CCL1: variants seen among roughly 807,000 people sequenced by gnomAD.
CCL1 encodes the protein C-C motif chemokine ligand 1, also known as C-C motif chemokine 1.
In CCL1, 9 loss-of-function variants were observed where a neutral mutation model predicts 7.5. The ratio of observed to expected loss-of-function variants is 1.20; its 90% confidence interval spans 0.72 to 2.09. The LOEUF is 2.09. Ranked by LOEUF, CCL1 falls within the 30% of genes most tolerant of loss-of-function variation. CCL1 has a pLI of 0.00. For synonymous variants in CCL1, 48 were observed against 44.7 expected (o/e 1.07, Z -0.30); for missense variants, 110 against 113.7 (o/e 0.97, Z 0.15).
Position 34,363,182 on chromosome 17 carries a change from C to A in CCL1, c.-21G>T, listed in dbSNP as rs769491888. The A allele has an allele frequency of 4.3e-6, 7 of 1,612,782 alleles. No homozygotes were observed. In the South Asian group the frequency reaches 6.6e-5, roughly 15 times the overall value. ...TGCATGTCTTCTGGTCTGGCTTGGG[C>A]CTTCCTGGAGCAGCTTTGATGAGCC... On this transcript the variant is annotated 5_prime_UTR_variant, in exon 1 of 3. Transcript: ENST00000225842.
chr17:34,360,702 C>A (rs1264367023), intron 2 of CCL1, 41 bp from the exon 3 acceptor site: 2 of 1,489,464 alleles, frequency 1.3e-6, no homozygotes, highest in Non-Finnish European at 1.9e-6. Context: ...GCCACCCAAG[C>A]CACCACTGGG....
At position 34,363,064 on chromosome 17, in the gene CCL1, AAATGATGCCTGCCAC is replaced by A; in HGVS notation, c.76+7_76+21del. 1 of 1,609,710 alleles carries A rather than the reference AAATGATGCCTGCCAC, an allele frequency of 6.2e-7. No homozygotes were observed. Among genetic ancestry groups the A allele is most frequent in the South Asian group, 1.1e-5 (1 of 91,066 alleles). ...TTTCTGCCCTCCCCAGAGAGAAGCA[AAATGATGCCTGCCAC>A]ACTCACTGCTCTTGCTGTCCACATC... is the stretch of plus-strand genomic sequence containing the variant. On this transcript the variant is annotated splice_region_variant and intron_variant, in intron 1 of 2. Coordinates refer to ENST00000225842, the MANE Select transcript of CCL1 (RefSeq NM_002981.2).
At chr17:34,361,083 T>TGTGTGTGG (rs1567664357) in intron 2 of CCL1, among the ~76,000 whole-genome samples, 3 of 151,278 alleles carry the variant, frequency 2.0e-5, no homozygotes, top group African/African-American at 7.3e-5. Context: ...TGTGTGTGGG[T>TGTGTGTGG]GTGTGTATTT....
At chr17:34,362,870 T>A (rs113230203) in intron 1 of CCL1, among the ~76,000 whole-genome samples, 2,948 of 151,416 alleles carry the variant, frequency 0.019, 80 homozygotes, top group African/African-American at 0.06. Flanking sequence ...CTCCTTGTAC[T>A]GAAGCTGTCA....
intron 2 of CCL1, among the ~76,000 whole-genome samples, chr17:34,361,081 G>T (rs3138029): frequency 0.61 from 92,329 of 151,334 alleles, 28,418 homozygotes; most frequent in Middle Eastern, 0.72. Context: ...TGTGTGTGTG[G>T]GTGTGTGTAT....
At chr17:34,362,771 C>A (rs963325456) in intron 1 of CCL1, among the ~76,000 whole-genome samples, 1 of 152,186 alleles carries the variant, frequency 6.6e-6, no homozygotes, top group Non-Finnish European at 1.5e-5. Flanking sequence ...GTAGAAGCTA[C>A]ACCCAGGCTG....
chr17:34,361,408 G>C (rs938305207), intron 2 of CCL1, among the ~76,000 whole-genome samples: 3 of 152,200 alleles, frequency 2.0e-5, no homozygotes, highest in Non-Finnish European at 2.9e-5. Context: ...GGAGTTACCT[G>C]TCCACGGTCA....
At chr17:34,362,489 C>G (rs1910531635) in intron 1 of CCL1, among the ~76,000 whole-genome samples, 1 of 151,916 alleles carries the variant, frequency 6.6e-6, no homozygotes, top group African/African-American at 2.4e-5. Flanking sequence ...CCAACCCCCA[C>G]TCTGTCCATT....
chr17:34,361,454 C>A (rs1290734216), intron 2 of CCL1, among the ~76,000 whole-genome samples: 2 of 152,218 alleles, frequency 1.3e-5, no homozygotes, highest in African/African-American at 4.8e-5. Context: ...GGGGCAGGAA[C>A]TCATCCTGGT....
At position 34,363,166 on chromosome 17, in the gene CCL1, T is replaced by C. The variant is rs985591082; in HGVS notation, c.-5A>G. On this transcript the variant is annotated 5_prime_UTR_variant, in exon 1 of 3. Transcript: ENST00000225842. ...GGCTGTGGTGATGATCTGCATGTCT[T>C]CTGGTCTGGCTTGGGCCTTCCTGGA... 11 of 1,613,772 alleles carry C rather than the reference T, an allele frequency of 6.8e-6. No homozygotes were observed. In the East Asian group the frequency reaches 1.3e-4, roughly 20 times the overall value.
intron 1 of CCL1, among the ~76,000 whole-genome samples, chr17:34,362,459 C>G (rs555778358): frequency 6.6e-6 from 1 of 152,090 alleles, no homozygotes; most frequent in African/African-American, 2.4e-5. Flanking sequence ...CTGCCCTGGT[C>G]CTTAGCTCTT....
intron 2 of CCL1, 54 bp downstream of exon 2, chr17:34,361,731 C>G: frequency 8.5e-7 from 1 of 1,179,774 alleles, no homozygotes; most frequent in Non-Finnish European, 1.3e-6. Context: ...TCTTGTAATT[C>G]CAGGCTGGCG....
Position 34,361,904 on chromosome 17 carries a change from A to G in CCL1, c.77-8T>C. 1 of 1,558,318 alleles carries G rather than the reference A, an allele frequency of 6.4e-7. No individual in the cohort carries two copies. Among genetic ancestry groups the G allele is most frequent in the Non-Finnish European group, 8.8e-7 (1 of 1,130,522 alleles). ...TGGAGAAGGGTACCTGCACTAGAAGAGGAACACAGACGATGGTTTGCATCC... is the reference window on the plus strand; with the variant it reads ...TGGAGAAGGGTACCTGCACTAGAAGGGGAACACAGACGATGGTTTGCATCC... On this transcript the variant is annotated splice_polypyrimidine_tract_variant and splice_region_variant and intron_variant, in intron 1 of 2. Transcript: ENST00000225842.
Position 34,363,118 on chromosome 17 carries a change from C to T in CCL1, c.44G>A (p.Gly15Glu), listed in dbSNP as rs546720830. 1.9e-6 allele frequency: 3 copies of T among 1,613,618 alleles called. No homozygotes were observed. Among genetic ancestry groups the T allele is most frequent in the Admixed American group, 3.3e-5 (2 of 60,026 alleles). Residue 15 changes from glycine to glutamate, a missense_variant, in exon 1 of 3, where the codon GGG becomes GAG. Physicochemically the swap from Gly to Glu is moderately conservative, Grantham distance 98. Coordinates refer to ENST00000225842, the MANE Select transcript of CCL1 (RefSeq NM_002981.2). ...TTALVCLLLAGMWPEDVDSKS... is the reference protein window; with the variant it reads ...TTALVCLLLAEMWPEDVDSKS... ...GCTGTCCACATCTTCCGGCCACATC[C>T]CAGCTAGCAGCAAGCACACCAGGGC...
At chr17:34,360,841 A>G (rs1338023122) in intron 2 of CCL1, among the ~76,000 whole-genome samples, 180 bp from the exon 3 acceptor site, 1 of 152,128 alleles carries the variant, frequency 6.6e-6, no homozygotes, top group Non-Finnish European at 1.5e-5. Context: ...GGGAACAGCC[A>G]AAGCACCAGG....
At position 34,360,502 on chromosome 17, in the gene CCL1, T is replaced by C; in HGVS notation, c.*57A>G. ...AGAAGGAATGGTGTAGGGCTGGTAG[T>C]TTCGGGGACAGGTGAAGCCATGTGG... On this transcript the variant is annotated 3_prime_UTR_variant, in exon 3 of 3. Transcript: ENST00000225842. 7.6e-7 allele frequency: 1 copy of C among 1,323,048 alleles called. No individual in the cohort carries two copies. Among genetic ancestry groups the C allele is most frequent in the Non-Finnish European group, 1.1e-6 (1 of 914,252 alleles). The allele number at this position is 1,323,048 out of a possible 1,614,324, so 82.0% of individuals were successfully genotyped here. A position where few individuals can be genotyped will look rare whatever the true frequency, so the allele number is the denominator to read the frequency against.
intron 1 of CCL1, 120 bp from the exon 2 acceptor site, chr17:34,362,016 T>G: frequency 1.6e-6 from 1 of 616,352 alleles, no homozygotes; most frequent in Non-Finnish European, 2.9e-6. Context: ...GGGGACCACA[T>G]CCAGACGGTG....
Position 34,361,756 on chromosome 17 carries a change from A to G in CCL1, c.188+29T>C, listed in dbSNP as rs187174245. 4.6e-5 allele frequency: 64 copies of G among 1,395,126 alleles called. No homozygotes were observed. The East Asian group carries it at 1.4e-3, about 30-fold the overall frequency. The allele number at this position is 1,395,126 out of a possible 1,614,324, so 86.4% of individuals were successfully genotyped here. ...CCAGGCTGGCGGGGTTCTGTTCTCTAGGGAGAGATTGAGCAGGTGATCACT... is the reference window on the plus strand; with the variant it reads ...CCAGGCTGGCGGGGTTCTGTTCTCTGGGGAGAGATTGAGCAGGTGATCACT... On this transcript the variant is annotated intron_variant, in intron 2 of 2. Transcript: ENST00000225842.
Position 34,362,960 on chromosome 17 carries a change from C to A in CCL1, c.76+126G>T, listed in dbSNP as rs181374710. 1.1e-4 allele frequency: 94 copies of A among 832,358 alleles called. No homozygotes were observed. In the East Asian group the frequency reaches 1.3e-3, roughly 11 times the overall value. The allele number at this position is 832,358 out of a possible 1,614,324, so 51.6% of individuals were successfully genotyped here. A position where few individuals can be genotyped will look rare whatever the true frequency, so the allele number is the denominator to read the frequency against. ...AGCCTGTCCAAGTTCACCATTCCTCCTCTTTAGGTAGGAAGAGGGGAGATA... is the reference window on the plus strand; with the variant it reads ...AGCCTGTCCAAGTTCACCATTCCTCATCTTTAGGTAGGAAGAGGGGAGATA... On this transcript the variant is annotated intron_variant, in intron 1 of 2. Transcript: ENST00000225842.
Sources: allele counts gnomAD v4.1 joint callset (sites outside exome capture counted in the v4.1 genomes callset), GRCh38; gene constraint gnomAD v4.1.1; transcripts MANE v1.5; gene names NCBI Gene and HGNC (gene_info 2026-07-23, HGNC 2026-07-21).